IQCJ: variants seen among roughly 807,000 people sequenced by gnomAD.
The protein encoded by IQCJ is IQ domain-containing protein J.
IQCJ carries 9 observed loss-of-function variants against 11.0 expected under a neutral mutation model. The observed-to-expected ratio is 0.82, with a 90% CI of 0.49 to 1.43. The LOEUF is 1.43. Ranked by LOEUF, IQCJ falls within the 40% of genes most tolerant of loss-of-function variation. The pLI, the probability that IQCJ is intolerant of heterozygous loss-of-function variation, is 0.00. For synonymous variants in IQCJ, 55 were observed against 51.3 expected, an observed-to-expected ratio of 1.07 and a Z score of -0.31; for missense variants, 146 against 133.2, an observed-to-expected ratio of 1.10 and a Z score of -0.47.
chr3:159,213,213 A>G (rs958110076), intron 1 of IQCJ, among the ~76,000 whole-genome samples: 2 of 152,224 alleles, frequency 1.3e-5, no homozygotes, highest in Non-Finnish European at 1.5e-5. Context: ...CTCTGTTCTT[A>G]CACTAGTTGA....
intron 1 of IQCJ, among the ~76,000 whole-genome samples, chr3:159,217,721 C>T (rs185601561): frequency 1.1e-4 from 16 of 152,194 alleles, no homozygotes; most frequent in African/African-American, 3.4e-4. Context: ...ATTAAAATCC[C>T]TCCTCCCCAG....
chr3:159,112,695 G>A (rs1051719088), intron 1 of IQCJ, among the ~76,000 whole-genome samples: 2 of 152,094 alleles, frequency 1.3e-5, no homozygotes, highest in Non-Finnish European at 2.9e-5. Context: ...GGGGGCTTTG[G>A]GGAGCAGGAA....
At chr3:159,160,254 A>C (rs1721760895) in intron 1 of IQCJ, among the ~76,000 whole-genome samples, 1 of 152,112 alleles carries the variant, frequency 6.6e-6, no homozygotes, top group Non-Finnish European at 1.5e-5. Flanking sequence ...GGTACTCATT[A>C]TGGCTGTAAT....
intron 3 of IQCJ, among the ~76,000 whole-genome samples, chr3:159,253,072 C>T (rs960016875): frequency 2.5e-4 from 38 of 152,114 alleles, no homozygotes; most frequent in African/African-American, 8.4e-4. Context: ...CCTTTAACTT[C>T]CACTAGCATT....
intron 1 of IQCJ, among the ~76,000 whole-genome samples, chr3:159,137,935 T>G (rs140492287): frequency 4.1e-4 from 63 of 152,378 alleles, no homozygotes; most frequent in African/African-American, 1.4e-3. Flanking sequence ...TATATCTGTA[T>G]AGCTCTCCTT....
chr3:159,146,046 G>T (rs2108192106), intron 1 of IQCJ, among the ~76,000 whole-genome samples: 1 of 152,324 alleles, frequency 6.6e-6, no homozygotes, highest in South Asian at 2.1e-4. Flanking sequence ...CATTGAAGTA[G>T]AATGGAGAGG....
chr3:159,090,246 C>T (rs1717157896), intron 1 of IQCJ, among the ~76,000 whole-genome samples: 1 of 151,714 alleles, frequency 6.6e-6, no homozygotes, highest in South Asian at 2.1e-4. Context: ...GGTCAGGGGT[C>T]AGGGGTCAGG....
intron 1 of IQCJ, among the ~76,000 whole-genome samples, chr3:159,156,876 C>T (rs926419820): frequency 5.3e-5 from 8 of 152,190 alleles, no homozygotes; most frequent in African/African-American, 1.9e-4. Context: ...TATAAAGATT[C>T]ATCTTCCAAT....
Position 159,262,820 on chromosome 3 carries a change from C to A in IQCJ, c.*89C>A. On this transcript the variant is annotated 3_prime_UTR_variant, in exon 4 of 4. Coordinates refer to ENST00000397832, the MANE Select transcript of IQCJ (RefSeq NM_001042706.3). ...AGATCTATGTAGCTTATTTGCTACC[C>A]AGGAACCCATGGTGAGAGTTTTGTC... 6.8e-7 allele frequency: 1 copy of A among 1,479,740 alleles called. No homozygotes were observed. The highest frequency in any genetic ancestry group is 9.0e-7 in the Non-Finnish European group (1 of 1,110,404). 91.7% of individuals were successfully genotyped at this position (1,479,740 alleles called of 1,614,324 possible).
chr3:159,237,922 G>A (rs1047333628), intron 1 of IQCJ, among the ~76,000 whole-genome samples: 5 of 152,156 alleles, frequency 3.3e-5, no homozygotes, highest in African/African-American at 9.7e-5. Flanking sequence ...AAGAAACTTA[G>A]GGTTCTTGAA....
chr3:159,103,073 C>T (rs570615104), intron 1 of IQCJ, among the ~76,000 whole-genome samples: 2 of 152,338 alleles, frequency 1.3e-5, no homozygotes, highest in African/African-American at 4.8e-5. Context: ...TTTATTTCTA[C>T]ATAGGTCTGT....
intron 1 of IQCJ, among the ~76,000 whole-genome samples, chr3:159,170,567 A>G (rs911347483): frequency 4.6e-5 from 7 of 152,050 alleles, no homozygotes; most frequent in African/African-American, 1.7e-4. Context: ...TAACTTTACG[A>G]TCTTTAGAAG....
intron 1 of IQCJ, among the ~76,000 whole-genome samples, chr3:159,191,274 A>G (rs1723671032): frequency 6.6e-6 from 1 of 152,196 alleles, no homozygotes; most frequent in Non-Finnish European, 1.5e-5. Flanking sequence ...TTAGGTGTAC[A>G]GTTAGCCATC....
At chr3:159,255,451 A>G (rs990254438) in intron 3 of IQCJ, among the ~76,000 whole-genome samples, 3 of 152,188 alleles carry the variant, frequency 2.0e-5, no homozygotes, top group Non-Finnish European at 2.9e-5. Context: ...GAATCCCAGG[A>G]TGGGGTCAGA....
chr3:159,193,291 C>A (rs373699458), intron 1 of IQCJ, among the ~76,000 whole-genome samples: 10 of 152,178 alleles, frequency 6.6e-5, no homozygotes, highest in African/African-American at 2.4e-4. Context: ...GACAACTTCT[C>A]CATCTACCTA....
At chr3:159,107,446 G>A (rs1161606654) in intron 1 of IQCJ, among the ~76,000 whole-genome samples, 1 of 152,122 alleles carries the variant, frequency 6.6e-6, no homozygotes, top group African/African-American at 2.4e-5. Context: ...CAGCTATCCA[G>A]TTTATAGTAT....
At chr3:159,144,007 C>A (rs914691867) in intron 1 of IQCJ, among the ~76,000 whole-genome samples, 1 of 152,130 alleles carries the variant, frequency 6.6e-6, no homozygotes, top group African/African-American at 2.4e-5. Context: ...AAAGCCTGTG[C>A]CCTCAAGTCC....
intron 3 of IQCJ, among the ~76,000 whole-genome samples, chr3:159,260,807 C>A (rs1263978038): frequency 2.0e-5 from 3 of 151,850 alleles, no homozygotes; most frequent in Non-Finnish European, 2.9e-5. Flanking sequence ...TCTGAAGAGT[C>A]CTTTAAAAAA....
Position 159,231,394 on chromosome 3 carries a change from C to A in IQCJ, c.10-14449C>A, listed in dbSNP as rs138485147. Among the ~76,000 whole-genome samples, 120 of 152,314 alleles carry A rather than the reference C, an allele frequency of 7.9e-4. 1 individual carries two copies. Among genetic ancestry groups the A allele is most frequent in the African/African-American group, 2.7e-3 (113 of 41,578 alleles). ...CTTGTTTCTTCCCCCCACATCTAAT[C>A]TGTGATCACCTTATCTCATTCTTGT... is the stretch of plus-strand genomic sequence containing the variant. On this transcript the variant is annotated intron_variant, in intron 1 of 3. Transcript: ENST00000397832.
Sources: allele counts gnomAD v4.1 joint callset (sites outside exome capture counted in the v4.1 genomes callset), GRCh38; gene constraint gnomAD v4.1.1; transcripts MANE v1.5; gene names NCBI Gene and HGNC (gene_info 2026-07-23, HGNC 2026-07-21).